The following WWOX variants were observed in gnomAD, a reference collection of about 807,000 sequenced individuals.
WWOX encodes the protein WW domain-containing oxidoreductase.
Under a neutral mutation model 46.2 loss-of-function variants are expected in WWOX, and 69 were observed. The observed-to-expected ratio is 1.49, with a 90% CI of 1.23 to 1.82. The LOEUF (loss-of-function observed/expected upper bound fraction) is 1.82. WWOX is among the 40% of genes most tolerant of loss of function. The probability of loss-of-function intolerance (pLI) is 0.00; values close to 1 mark genes in which losing one functional copy is unlikely to be tolerated. For synonymous variants in WWOX, 359 were observed against 202.6 expected, an observed-to-expected ratio of 1.77 and a Z score of -6.56; for missense variants, 919 against 542.6, an observed-to-expected ratio of 1.69 and a Z score of -6.89.
chr16:78,887,717 G>A (rs2044497586), intron 8 of WWOX, among the ~76,000 whole-genome samples: 1 of 152,182 alleles, frequency 6.6e-6, no homozygotes, highest in South Asian at 2.1e-4. Flanking sequence ...TTTTCCAGAT[G>A]TGACAAAACA....
chr16:78,709,394 A>G lies in WWOX; in HGVS notation c.1056+276642A>G, dbSNP rs537180073. On this transcript the variant is annotated intron_variant, in intron 8 of 8. Coordinates refer to ENST00000566780, the MANE Select transcript of WWOX (RefSeq NM_016373.4). The stretch of plus-strand genomic sequence containing the variant: ...GCGATTCTCGGCCATTCCGGTTCAC[A>G]GGGCCTGGGTAGCGGGCCCAGCCTG... Among the ~76,000 whole-genome samples, 8 of 152,306 alleles carry G rather than the reference A, an allele frequency of 5.3e-5. No individual in the cohort carries two copies. The East Asian group carries it at 5.8e-4, about 11-fold the overall frequency.
chr16:78,509,297 G>T (rs930080534), intron 8 of WWOX, among the ~76,000 whole-genome samples: 1 of 152,106 alleles, frequency 6.6e-6, no homozygotes, highest in African/African-American at 2.4e-5. Flanking sequence ...AAAGTTAGCC[G>T]AGCGTGATGG....
At chr16:78,869,638 A>T (rs1357691245) in intron 8 of WWOX, among the ~76,000 whole-genome samples, 1 of 152,150 alleles carries the variant, frequency 6.6e-6, no homozygotes. Context: ...TGGGTTACTG[A>T]TTCTGCGGTA....
chr16:78,317,751 C>G (rs2080385143), intron 5 of WWOX, among the ~76,000 whole-genome samples: 1 of 152,154 alleles, frequency 6.6e-6, no homozygotes. Flanking sequence ...ACGGTGTCCT[C>G]ACCTTGATTT....
chr16:78,517,422 T>G (rs2043258626), intron 8 of WWOX, among the ~76,000 whole-genome samples: 1 of 150,684 alleles, frequency 6.6e-6, no homozygotes, highest in Non-Finnish European at 1.5e-5. Flanking sequence ...CTGAAATTAT[T>G]TCCAGCTATG....
chr16:78,112,847 A>T (rs1379130386), intron 3 of WWOX, among the ~76,000 whole-genome samples: 2 of 151,822 alleles, frequency 1.3e-5, no homozygotes, highest in Non-Finnish European at 2.9e-5. Context: ...CTACAGGCTC[A>T]TGCTGCCATG....
chr16:78,355,686 TG>T, intron 5 of WWOX: 1 of 734,334 alleles, frequency 1.4e-6, no homozygotes, highest in Non-Finnish European at 2.3e-6. Flanking sequence ...AATATGATCT[TG>T]GGAGACGTGG....
intron 8 of WWOX, among the ~76,000 whole-genome samples, chr16:78,918,590 A>G (rs954220625): frequency 3.3e-5 from 5 of 152,030 alleles, no homozygotes; most frequent in Admixed American, 6.6e-5. Context: ...GCTTGTTACT[A>G]TTTTGTGTAT....
chr16:78,676,341 C>A lies in WWOX; in HGVS notation c.1056+243589C>A, dbSNP rs79682251. On this transcript the variant is annotated intron_variant, in intron 8 of 8. Transcript: ENST00000566780. ...CCCCTTTTGTTCCTGCATTGCCCTC[C>A]ATTCAGATCTTGTCACTTAGGCCTT... is the stretch of plus-strand genomic sequence containing the variant. 7.2e-5 allele frequency among the ~76,000 whole-genome samples: 11 copies of A among 152,058 alleles called. No individual in the cohort carries two copies. The East Asian group carries it at 2.1e-3, about 30-fold the overall frequency.
intron 8 of WWOX, among the ~76,000 whole-genome samples, chr16:78,584,816 G>A (rs931648958): frequency 3.3e-5 from 5 of 152,232 alleles, no homozygotes; most frequent in East Asian, 1.9e-4. Context: ...CCGTGTGCAC[G>A]TGTAAAAGTT....
At chr16:78,390,215 G>C (rs1282200332) in intron 6 of WWOX, among the ~76,000 whole-genome samples, 1 of 152,234 alleles carries the variant, frequency 6.6e-6, no homozygotes, top group Non-Finnish European at 1.5e-5. Flanking sequence ...ACTTTGTCCA[G>C]TTCCTCTGTC....
At chr16:79,029,853 C>G (rs114733668) in intron 8 of WWOX, among the ~76,000 whole-genome samples, 1,825 of 152,266 alleles carry the variant, frequency 0.012, 41 homozygotes, top group African/African-American at 0.041. Flanking sequence ...TGTCTTCAAA[C>G]TTCAACAGTG....
intron 8 of WWOX, among the ~76,000 whole-genome samples, chr16:79,137,239 G>A (rs977983570): frequency 2.0e-5 from 3 of 152,156 alleles, no homozygotes; most frequent in South Asian, 2.1e-4. Context: ...TTCCTCGATA[G>A]ACCTTATAGA....
intron 8 of WWOX, among the ~76,000 whole-genome samples, chr16:78,715,044 C>G (rs77827108): frequency 0.059 from 9,032 of 152,092 alleles, 560 homozygotes; most frequent in African/African-American, 0.16. Flanking sequence ...ACTTTGAGAG[C>G]TCCAGGTGGG....
intron 8 of WWOX, among the ~76,000 whole-genome samples, chr16:78,595,847 T>C (rs568528493): frequency 1.1e-4 from 16 of 152,374 alleles, no homozygotes; most frequent in Non-Finnish European, 2.4e-4. Flanking sequence ...TACCTTGTTG[T>C]TAACTGTATT....
chr16:78,956,339 A>T (rs1167027905), intron 8 of WWOX, among the ~76,000 whole-genome samples: 1 of 151,904 alleles, frequency 6.6e-6, no homozygotes, highest in Non-Finnish European at 1.5e-5. Context: ...ATTTTTAGTG[A>T]AGGCGGAGTT....
intron 5 of WWOX, among the ~76,000 whole-genome samples, chr16:78,223,472 A>G (rs537055428): frequency 2.6e-5 from 4 of 152,194 alleles, no homozygotes. Context: ...GGTCTGCAAG[A>G]GGTTGATGGG....
intron 8 of WWOX, among the ~76,000 whole-genome samples, chr16:78,921,614 G>A (rs1345627407): frequency 6.6e-6 from 1 of 152,154 alleles, no homozygotes. Flanking sequence ...AGCTCAGGGA[G>A]GTTACATGGA....
intron 8 of WWOX, among the ~76,000 whole-genome samples, chr16:78,967,996 G>T (rs2046394117): frequency 6.6e-6 from 1 of 152,220 alleles, no homozygotes; most frequent in African/African-American, 2.4e-5. Context: ...ATTAAAAGAA[G>T]ATGTATAAGT....
Sources: gnomAD v4.1 joint callset for allele counts (sites outside exome capture counted in the v4.1 genomes callset) on GRCh38, gnomAD v4.1.1 for gene constraint, MANE v1.5 for transcripts, NCBI Gene and HGNC (gene_info 2026-07-23, HGNC 2026-07-21) for gene names.